The following NAALADL2 variants were observed in gnomAD, a reference collection of about 807,000 sequenced individuals.
NAALADL2 encodes inactive N-acetylated-alpha-linked acidic dipeptidase-like protein 2.
Under a neutral mutation model 87.2 loss-of-function variants are expected in NAALADL2, and 76 were observed. The ratio of observed to expected loss-of-function variants is 0.87; its 90% CI spans 0.72 to 1.05. The LOEUF is 1.05. NAALADL2 is among the 50% of genes least tolerant of loss of function. The probability of loss-of-function intolerance (pLI) is 0.00; values close to 1 mark genes in which losing one functional copy is unlikely to be tolerated. For missense variants in NAALADL2, 1,089 were observed against 945.8 expected (o/e 1.15, Z -1.99); for synonymous variants, 354 against 331.0 (o/e 1.07, Z -0.75).
rs3067322 is a variant in NAALADL2 at position 175,355,022 on chromosome 3, A to ATGTGTGTGTG, written c.1090+30725_1090+30734dup. On this transcript the variant is annotated intron_variant, in intron 5 of 13. Coordinates refer to ENST00000454872, the MANE Select transcript of NAALADL2 (RefSeq NM_207015.3). ...TTATATATATAATTGCTATATATAT[A>ATGTGTGTGTG]TGTGTGTGTGTGTGTGTGTGTGTGT... Among the ~76,000 whole-genome samples the ATGTGTGTGTG allele has an allele frequency of 2.7e-3, 377 of 139,430 alleles. 5 individuals are homozygous for ATGTGTGTGTG. The highest frequency in any genetic ancestry group is 0.01 in the African/African-American group (364 of 36,280). The allele number at this position is 139,430 out of a possible 152,430, so 91.5% of individuals were successfully genotyped here.
At chr3:174,441,967 T>C (rs1348096864) in intron 1 of NAALADL2, among the ~76,000 whole-genome samples, 1 of 152,080 alleles carries the variant, frequency 6.6e-6, no homozygotes, top group East Asian at 1.9e-4. Context: ...ACAGAAAAGA[T>C]AGACTTTTTT....
chr3:175,099,949 G>A (rs1005297127), intron 2 of NAALADL2, among the ~76,000 whole-genome samples: 2 of 151,042 alleles, frequency 1.3e-5, no homozygotes, highest in South Asian at 2.1e-4. Context: ...ATTATATTAT[G>A]TATTTTAAAA....
intron 1 of NAALADL2, among the ~76,000 whole-genome samples, chr3:174,490,441 T>C (rs1005255491): frequency 2.0e-5 from 3 of 152,120 alleles, no homozygotes; most frequent in African/African-American, 7.2e-5. Context: ...TGGGGTTTCT[T>C]TTTGAAAGAA....
intron 9 of NAALADL2, among the ~76,000 whole-genome samples, chr3:175,486,150 T>G (rs1022439363): frequency 6.6e-6 from 1 of 152,194 alleles, no homozygotes; most frequent in Non-Finnish European, 1.5e-5. Context: ...TCAAGAGATT[T>G]TGTCAAAAGC....
At chr3:174,882,786 T>C (rs1729534844) in intron 1 of NAALADL2, among the ~76,000 whole-genome samples, 5 of 108,734 alleles carry the variant, frequency 4.6e-5, no homozygotes, top group Admixed American at 9.0e-5. Flanking sequence ...TATACATATG[T>C]GTATATATAC....
intron 4 of NAALADL2, among the ~76,000 whole-genome samples, chr3:175,275,796 C>T (rs1345771476): frequency 6.6e-6 from 1 of 151,060 alleles, no homozygotes; most frequent in Non-Finnish European, 1.5e-5. Context: ...CTATCTATAC[C>T]CAGGCATCCA....
chr3:174,687,984 A>G (rs1055642044), intron 2 of NAALADL2, among the ~76,000 whole-genome samples: 2 of 152,108 alleles, frequency 1.3e-5, no homozygotes, highest in Non-Finnish European at 2.9e-5. Context: ...AGTTCATTAA[A>G]CCACTTTTTC....
At chr3:175,289,602 C>CA (rs59422956) in intron 4 of NAALADL2, among the ~76,000 whole-genome samples, 1 of 151,496 alleles carries the variant, frequency 6.6e-6, no homozygotes, top group Non-Finnish European at 1.5e-5. Flanking sequence ...TCCCTCCCCC[C>CA]AAAAAAATAA....
chr3:174,478,561 A>G (rs1717353093), intron 1 of NAALADL2, among the ~76,000 whole-genome samples: 1 of 152,150 alleles, frequency 6.6e-6, no homozygotes, highest in Non-Finnish European at 1.5e-5. Flanking sequence ...CCTCAATAGA[A>G]TATATTAACA....
rs932267654 is a variant in NAALADL2, at chr3:175,056,140, C to T, written c.44-40650C>T. Among the ~76,000 whole-genome samples, 78 of 152,186 alleles carry T rather than the reference C, an allele frequency of 5.1e-4. 1 individual carries two copies. Among genetic ancestry groups the T allele is most frequent in the African/African-American group, 1.8e-3 (73 of 41,520 alleles). ...CCAGTGTCCTCCGGAAAAGAAAGAT[C>T]TGGAGGGTCCGGCCGCTCTTTTTCT... On this transcript the variant is annotated intron_variant, in intron 1 of 13. Coordinates refer to ENST00000454872, the MANE Select transcript of NAALADL2 (RefSeq NM_207015.3).
chr3:175,719,154 GC>G (rs1158546425), intron 11 of NAALADL2, among the ~76,000 whole-genome samples: 1 of 151,830 alleles, frequency 6.6e-6, no homozygotes, highest in East Asian at 1.9e-4. Context: ...GGGTGATTTT[GC>G]CCCCAGGGAA....
intron 11 of NAALADL2, among the ~76,000 whole-genome samples, chr3:175,681,336 G>A (rs994865474): frequency 5.3e-5 from 8 of 152,026 alleles, no homozygotes; most frequent in African/African-American, 1.7e-4. Context: ...CTTGCATTCT[G>A]AATGTTTATA....
intron 9 of NAALADL2, among the ~76,000 whole-genome samples, chr3:175,502,044 G>C (rs1257770450): frequency 6.6e-6 from 1 of 152,074 alleles, no homozygotes; most frequent in Admixed American, 6.6e-5. Flanking sequence ...CAAATCAATG[G>C]AGACTTTGAA....
At chr3:174,872,727 CA>C (rs1560307487) in intron 1 of NAALADL2, among the ~76,000 whole-genome samples, 1 of 141,022 alleles carries the variant, frequency 7.1e-6, no homozygotes, top group Non-Finnish European at 1.5e-5. Flanking sequence ...CATCTACACA[CA>C]CACATACACA....
At chr3:175,013,113 TATAAATATAC>T (rs1179691388) in intron 1 of NAALADL2, among the ~76,000 whole-genome samples, 164 of 8,966 alleles carry the variant, frequency 0.018, 14 homozygotes, top group African/African-American at 0.079. Flanking sequence ...CATATTTATA[TATAAATATAC>T]ATATTTATAT....
At chr3:175,451,471 C>G (rs1721569512) in intron 6 of NAALADL2, among the ~76,000 whole-genome samples, 1 of 152,060 alleles carries the variant, frequency 6.6e-6, no homozygotes, top group African/African-American at 2.4e-5. Flanking sequence ...CCCATTCATT[C>G]AACGTATTGT....
chr3:175,442,903 G>A lies in NAALADL2; in HGVS notation c.1091-4326G>A, dbSNP rs562723550. 8.5e-5 allele frequency among the ~76,000 whole-genome samples: 13 copies of A among 152,142 alleles called. 1 individual carries two copies. Among genetic ancestry groups the A allele is most frequent in the South Asian group, 6.2e-4 (3 of 4,820 alleles). ...TTTTTTGTATGGTATCCTTTCTTTC[G>A]AGGCACATAATCCATTTAATTTTCA... On this transcript the variant is annotated intron_variant, in intron 5 of 13. Coordinates refer to ENST00000454872, the MANE Select transcript of NAALADL2 (RefSeq NM_207015.3).
At chr3:174,748,023 G>A (rs1234043569) in intron 3 of NAALADL2, among the ~76,000 whole-genome samples, 3 of 152,044 alleles carry the variant, frequency 2.0e-5, no homozygotes, top group African/African-American at 7.2e-5. Flanking sequence ...GACGTGGGTG[G>A]AGCTGGAAGC....
intron 2 of NAALADL2, among the ~76,000 whole-genome samples, chr3:174,607,459 A>G (rs568061969): frequency 2.7e-5 from 4 of 150,494 alleles, no homozygotes; most frequent in East Asian, 1.9e-4. Context: ...TCAAAATAAA[A>G]GGATGGAGGA....
Sources: allele counts gnomAD v4.1 joint callset (sites outside exome capture counted in the v4.1 genomes callset), GRCh38; gene constraint gnomAD v4.1.1; transcripts MANE v1.5; gene names NCBI Gene and HGNC (gene_info 2026-07-23, HGNC 2026-07-21).